BICC1: variants seen among roughly 807,000 people sequenced by gnomAD.
The protein encoded by BICC1 is protein bicaudal C homolog 1.
Under a neutral mutation model 111.0 loss-of-function variants are expected in BICC1, and 43 were observed. That is an observed-to-expected ratio of 0.39 (90% CI 0.30 to 0.50). The LOEUF (loss-of-function observed/expected upper bound fraction) is 0.50, where lower values mean the gene tolerates loss of function less well. Among genes scored for constraint, BICC1 ranks in the 20% least tolerant of loss-of-function variants. The probability of loss-of-function intolerance (pLI) is 0.88; values close to 1 mark genes in which losing one functional copy is unlikely to be tolerated. For missense variants in BICC1, 1,091 were observed against 1,203.2 expected, an observed-to-expected ratio of 0.91 and a Z score of 1.38; for synonymous variants, 467 against 434.4, an observed-to-expected ratio of 1.07 and a Z score of -0.93.
At chr10:58,540,011 C>T (rs1842920735) in intron 1 of BICC1, among the ~76,000 whole-genome samples, 1 of 151,876 alleles carries the variant, frequency 6.6e-6, no homozygotes, top group Admixed American at 6.6e-5. Flanking sequence ...AATTAAACAA[C>T]ACACTCTTGA....
In BICC1 at chr10:58,820,291, GACA is replaced by G. The variant is rs1362109649; in HGVS notation, c.2695-73_2695-71del. On this transcript the variant is annotated intron_variant, in intron 19 of 20. Coordinates refer to ENST00000373886, the MANE Select transcript of BICC1 (RefSeq NM_001080512.3). ...CAGAGCATAATTAATAAATAAGTGTGACAACAAGTTGATCCTACAGTGGGAAAG... is the reference window on the plus strand; with the variant it reads ...CAGAGCATAATTAATAAATAAGTGTGACAAGTTGATCCTACAGTGGGAAAG... 13 of 936,438 alleles carry G rather than the reference GACA, an allele frequency of 1.4e-5. No individual in the cohort carries two copies. The African/African-American group carries it at 2.0e-4, about 14-fold the overall frequency. 58.0% of individuals were successfully genotyped at this position (936,438 alleles called of 1,614,324 possible).
At position 58,794,445 on chromosome 10, in the gene BICC1, G is replaced by T. The variant is rs1843287200; in HGVS notation, c.1179+830G>T. On this transcript the variant is annotated intron_variant, in intron 9 of 20. Transcript: ENST00000373886. ...GTTTTTTTTTTTTTTCTGAGACAGG[G>T]TCTCACTTTATCACCAAGGCTGGAG... 2.0e-5 allele frequency among the ~76,000 whole-genome samples: 3 copies of T among 150,920 alleles called. No homozygotes were observed. In the South Asian group the frequency reaches 6.3e-4, roughly 32 times the overall value.
intron 2 of BICC1, among the ~76,000 whole-genome samples, chr10:58,642,444 C>T (rs1838151595): frequency 6.6e-6 from 1 of 152,062 alleles, no homozygotes; most frequent in Admixed American, 6.5e-5. Context: ...ATGATGAGTT[C>T]TAGGTTGGCA....
At chr10:58,732,808 A>G (rs1841357797) in intron 3 of BICC1, among the ~76,000 whole-genome samples, 1 of 152,046 alleles carries the variant, frequency 6.6e-6, no homozygotes, top group Non-Finnish European at 1.5e-5. Context: ...TTGCTGTCTT[A>G]TGTGGTTTGG....
intron 3 of BICC1, among the ~76,000 whole-genome samples, chr10:58,776,763 A>C (rs1842759022): frequency 6.6e-6 from 1 of 152,144 alleles, no homozygotes; most frequent in African/African-American, 2.4e-5. Flanking sequence ...ACTGTTATAT[A>C]CAAACCATTC....
chr10:58,601,140 T>TATATATATATATATATATA (rs1554810885), intron 1 of BICC1, among the ~76,000 whole-genome samples: 5 of 100,670 alleles, frequency 5.0e-5, no homozygotes, highest in South Asian at 3.1e-4. Flanking sequence ...ATTTTAAAAC[T>TATATATATATATATATATA]TATATATATA....
intron 1 of BICC1, among the ~76,000 whole-genome samples, chr10:58,517,683 T>C (rs1842277999): frequency 6.6e-6 from 1 of 152,202 alleles, no homozygotes; most frequent in African/African-American, 2.4e-5. Flanking sequence ...GATTTGAATC[T>C]TGATGCTACA....
At chr10:58,637,766 A>C (rs2132198684) in intron 2 of BICC1, among the ~76,000 whole-genome samples, 1 of 152,334 alleles carries the variant, frequency 6.6e-6, no homozygotes, top group Admixed American at 6.5e-5. Flanking sequence ...AGATTCTGTC[A>C]GTTATTGGCT....
intron 2 of BICC1, among the ~76,000 whole-genome samples, chr10:58,642,434 A>G (rs1838151419): frequency 6.6e-6 from 1 of 152,180 alleles, no homozygotes. Flanking sequence ...AGAGGTCAGA[A>G]TGATGAGTTC....
chr10:58,564,143 T>A (rs747057691), intron 1 of BICC1, among the ~76,000 whole-genome samples: 1 of 152,204 alleles, frequency 6.6e-6, no homozygotes. Flanking sequence ...TAATTTTGAG[T>A]ATTGTTTTGG....
intron 2 of BICC1, among the ~76,000 whole-genome samples, chr10:58,625,040 G>A (rs969112336): frequency 6.6e-6 from 1 of 152,180 alleles, no homozygotes; most frequent in Non-Finnish European, 1.5e-5. Context: ...TCCATTCTGT[G>A]TTAAAACTTT....
intron 3 of BICC1, among the ~76,000 whole-genome samples, chr10:58,748,233 G>A (rs1026220037): frequency 1.3e-5 from 2 of 151,976 alleles, no homozygotes; most frequent in African/African-American, 2.4e-5. Context: ...AGTGTTCTAG[G>A]GACTGGGATG....
chr10:58,697,685 T>C (rs1257055763), intron 2 of BICC1, among the ~76,000 whole-genome samples: 3 of 152,208 alleles, frequency 2.0e-5, no homozygotes, highest in African/African-American at 7.2e-5. Context: ...CTTACTGCCC[T>C]ATCTCCTGCC....
intron 3 of BICC1, among the ~76,000 whole-genome samples, chr10:58,744,436 T>TAAA (rs991570854): frequency 3.3e-5 from 5 of 151,352 alleles, no homozygotes; most frequent in Admixed American, 6.6e-5. Flanking sequence ...TGATTTTTTT[T>TAAA]AAAAAAATAG....
chr10:58,555,678 C>T (rs1272684605), intron 1 of BICC1, among the ~76,000 whole-genome samples: 1 of 152,098 alleles, frequency 6.6e-6, no homozygotes, highest in East Asian at 1.9e-4. Flanking sequence ...AAGTGTTGGC[C>T]TGGCATCTCT....
chr10:58,633,398 G>A (rs1324361223), intron 2 of BICC1, among the ~76,000 whole-genome samples: 1 of 152,234 alleles, frequency 6.6e-6, no homozygotes, highest in Non-Finnish European at 1.5e-5. Context: ...ACATTTTGCA[G>A]TATAGTTGCT....
rs1168345435 is a variant in BICC1, at chr10:58,638,646, G to C, written c.237+17745G>C. Among the ~76,000 whole-genome samples the C allele has an allele frequency of 7.2e-5, 11 of 152,188 alleles. No homozygotes were observed. In the South Asian group the frequency reaches 2.3e-3, roughly 32 times the overall value. On this transcript the variant is annotated intron_variant, in intron 2 of 20. Coordinates refer to ENST00000373886, the MANE Select transcript of BICC1 (RefSeq NM_001080512.3). ...CAGCCTTCTCTGGGTTTTGTGGCAG[G>C]GGGTGATGAGAAAGGATGCCCAGAG...
chr10:58,564,704 A>G (rs1266814166), intron 1 of BICC1, among the ~76,000 whole-genome samples: 1 of 152,204 alleles, frequency 6.6e-6, no homozygotes, highest in Non-Finnish European at 1.5e-5. Flanking sequence ...GATGTCCCAC[A>G]GCTTTATAAA....
intron 1 of BICC1, among the ~76,000 whole-genome samples, chr10:58,538,175 G>T (rs1842871391): frequency 6.6e-6 from 1 of 151,722 alleles, no homozygotes; most frequent in African/African-American, 2.4e-5. Flanking sequence ...GCAATCCTAA[G>T]CAAAAAGAAC....
Sources: allele counts gnomAD v4.1 joint callset (sites outside exome capture counted in the v4.1 genomes callset), GRCh38; gene constraint gnomAD v4.1.1; transcripts MANE v1.5; gene names NCBI Gene and HGNC (gene_info 2026-07-23, HGNC 2026-07-21).